Variants in CBR4 observed in about 807,000 individuals in gnomAD.
CBR4 encodes carbonyl reductase 4.
Under a neutral mutation model 21.0 loss-of-function variants are expected in CBR4, and 22 were observed. The observed-to-expected ratio is 1.05, with a 90% CI of 0.75 to 1.50. The LOEUF is 1.50. CBR4 is among the 40% of genes most tolerant of loss of function. The probability of loss-of-function intolerance (pLI) is 0.00; values close to 1 mark genes in which losing one functional copy is unlikely to be tolerated. For synonymous variants in CBR4, 100 were observed against 104.4 expected, an observed-to-expected ratio of 0.96 and a Z score of 0.26; for missense variants, 302 against 286.3, an observed-to-expected ratio of 1.05 and a Z score of -0.40.
intron 2 of CBR4, among the ~76,000 whole-genome samples, chr4:168,934,273 C>CAAAAAAAAAAAAAAAAAAAAAAAAA (rs1206272373): frequency 9.4e-5 from 1 of 10,670 alleles, no homozygotes; most frequent in Non-Finnish European, 2.0e-4. Flanking sequence ...ACTAGAAAAG[C>CAAAAAAAAAAAAAAAAAAAAAAAAA]AAAAAAAACA....
intron 2 of CBR4, among the ~76,000 whole-genome samples, chr4:168,956,736 T>C (rs557777478): frequency 6.6e-6 from 1 of 152,244 alleles, no homozygotes; most frequent in East Asian, 1.9e-4. Context: ...GGTTATTCTC[T>C]TTTCCAGGTG....
intron 4 of CBR4, among the ~76,000 whole-genome samples, chr4:168,994,354 G>A (rs1054156874): frequency 1.3e-5 from 2 of 152,120 alleles, no homozygotes; most frequent in African/African-American, 2.4e-5. Context: ...CCCTCATTCC[G>A]GTAAACCCAC....
intron 2 of CBR4, among the ~76,000 whole-genome samples, chr4:168,954,188 C>T (rs764170011): frequency 6.6e-6 from 1 of 152,140 alleles, no homozygotes. Context: ...AATACACACA[C>T]ACACAAATAA....
chr4:169,007,368 T>G (rs1220390818), intron 2 of CBR4, among the ~76,000 whole-genome samples: 1 of 152,206 alleles, frequency 6.6e-6, no homozygotes, highest in Admixed American at 6.5e-5. Flanking sequence ...AAGGAAGTAT[T>G]GAGAAGACAC....
At chr4:168,958,647 C>T (rs1763756534) in intron 2 of CBR4, among the ~76,000 whole-genome samples, 1 of 152,146 alleles carries the variant, frequency 6.6e-6, no homozygotes, top group Non-Finnish European at 1.5e-5. Context: ...GCCAGTTTTG[C>T]AGTTTGTAAC....
chr4:169,000,723 A>T (rs1730359234), intron 4 of CBR4, among the ~76,000 whole-genome samples: 1 of 152,228 alleles, frequency 6.6e-6, no homozygotes, highest in African/African-American at 2.4e-5. Flanking sequence ...AAAACCAAGT[A>T]AATACCTAAT....
intron 2 of CBR4, among the ~76,000 whole-genome samples, chr4:168,974,150 GAA>G (rs1489150316): frequency 6.6e-6 from 1 of 152,046 alleles, no homozygotes; most frequent in Non-Finnish European, 1.5e-5. Flanking sequence ...TTCTTTGTCT[GAA>G]AAAGACTTTA....
chr4:168,925,533 T>A, intron 2 of CBR4: 2 of 491,030 alleles, frequency 4.1e-6, no homozygotes, highest in Non-Finnish European at 7.4e-6. Flanking sequence ...CGTACTTTTG[T>A]GGCTTAGTGC....
chr4:168,932,524 GC>G (rs1450535572), intron 2 of CBR4, among the ~76,000 whole-genome samples: 7 of 152,248 alleles, frequency 4.6e-5, no homozygotes, highest in African/African-American at 1.4e-4. Context: ...TGAAATCACA[GC>G]AAAAAACTTC....
intron 2 of CBR4, among the ~76,000 whole-genome samples, chr4:168,905,138 GTTTTTTT>G (rs777740588): frequency 2.9e-5 from 1 of 34,524 alleles, no homozygotes; most frequent in East Asian, 1.9e-3. Flanking sequence ...TGTTTTGTTG[GTTTTTTT>G]TTTTTTTTTT....
chr4:168,915,922 A>G lies in CBR4; in HGVS notation n.170-21157T>C, dbSNP rs200328911. The G allele has an allele frequency of 1.2e-5, 19 of 1,613,138 alleles. No individual in the cohort carries two copies. The highest frequency in any genetic ancestry group is 1.6e-5 in the Non-Finnish European group (19 of 1,179,200). ...CTCGTTCTAGATCAAGGGACAGTGG[A>G]GACGAAAATGAACCAATTCAGGAGC... On this transcript the variant is annotated intron_variant and non_coding_transcript_variant, in intron 2 of 3. Coordinates refer to the CBR4 transcript ENST00000509108.
downstream of CBR4, among the ~76,000 whole-genome samples, chr4:168,985,704 A>C (rs991575905): frequency 3.9e-5 from 6 of 152,330 alleles, no homozygotes; most frequent in African/African-American, 1.4e-4. Flanking sequence ...ACAGCTACAA[A>C]AAAAAATTAG....
chr4:168,948,241 A>G (rs1033954265), intron 2 of CBR4, among the ~76,000 whole-genome samples: 5 of 151,232 alleles, frequency 3.3e-5, no homozygotes, highest in Admixed American at 3.3e-4. Context: ...TTTTATCTTA[A>G]TGAGTTCACT....
At chr4:168,921,937 C>G (rs1292884611) in intron 2 of CBR4, among the ~76,000 whole-genome samples, 3 of 152,096 alleles carry the variant, frequency 2.0e-5, no homozygotes, top group Non-Finnish European at 4.4e-5. Context: ...TCCCACTAAC[C>G]TGGCAAAGAG....
intron 2 of CBR4, among the ~76,000 whole-genome samples, chr4:168,939,646 C>G (rs1337616833): frequency 6.6e-6 from 1 of 151,552 alleles, no homozygotes; most frequent in Non-Finnish European, 1.5e-5. Context: ...TTCCTATACA[C>G]CAATAACAGA....
At position 168,903,807 on chromosome 4, in the gene CBR4, C is replaced by T. The variant is rs146083886; in HGVS notation, n.170-9042G>A. The T allele has an allele frequency of 3.1e-6, 5 of 1,611,408 alleles. No homozygotes were observed. The East Asian group carries it at 6.7e-5, about 22-fold the overall frequency. ...AGATCTCTCCAAAGAGTGATCACTA[C>T]ACCATTCAAAGAGATCTCGATGGGA... On this transcript the variant is annotated intron_variant and non_coding_transcript_variant, in intron 2 of 3. Coordinates refer to the CBR4 transcript ENST00000509108.
intron 2 of CBR4, among the ~76,000 whole-genome samples, chr4:168,948,809 G>A (rs929584494): frequency 2.0e-5 from 3 of 152,196 alleles, no homozygotes; most frequent in African/African-American, 7.2e-5. Flanking sequence ...GATACCTCCA[G>A]ATTTGTTCTT....
chr4:168,990,240 C>T lies in CBR4; in HGVS notation c.624G>A (p.Glu208=), dbSNP rs768000047. 2.5e-6 allele frequency: 4 copies of T among 1,613,734 alleles called. No homozygotes were observed. In the South Asian group the frequency reaches 4.4e-5, roughly 18 times the overall value. The change falls in exon 5 of 5, where the codon GAG becomes GAA. Residue 208 remains glutamate, a synonymous_variant. Coordinates refer to ENST00000306193, the MANE Select transcript of CBR4 (RefSeq NM_032783.5). ...AAAGAAACACAACCGCATGTGCCAC[C>T]TCAATAGTTTCTCCAAACCTCCCAA... ...IPLGRFGETI[E]VAHAVVFLLE... is the part of the protein sequence containing the mutation.
intron 2 of CBR4, among the ~76,000 whole-genome samples, chr4:168,938,051 A>C (rs1763161334): frequency 6.6e-6 from 1 of 152,190 alleles, no homozygotes; most frequent in Non-Finnish European, 1.5e-5. Flanking sequence ...AAAATTTATC[A>C]CATAATTGGA....
Sources: gnomAD v4.1 joint callset for allele counts (sites outside exome capture counted in the v4.1 genomes callset) on GRCh38, gnomAD v4.1.1 for gene constraint, MANE v1.5 for transcripts, NCBI Gene and HGNC (gene_info 2026-07-23, HGNC 2026-07-21) for gene names.